The following IQCH variants were observed in gnomAD, a reference collection of about 807,000 sequenced individuals.
IQCH encodes IQ motif containing H, also known as IQ domain-containing protein H.
A neutral mutation model predicts 117.0 loss-of-function variants in IQCH; 98 were observed. The observed-to-expected ratio is 0.84, with a 90% confidence interval of 0.71 to 0.99. The LOEUF (loss-of-function observed/expected upper bound fraction) is 0.99. Ranked by LOEUF, IQCH falls within the 50% of genes least tolerant of loss-of-function variation. The pLI is 0.00. For synonymous variants in IQCH, 412 were observed against 448.2 expected (o/e 0.92, Z 1.02); for missense variants, 1,102 against 1,243.8 (o/e 0.89, Z 1.72).
intron 8 of IQCH, among the ~76,000 whole-genome samples, chr15:67,371,791 A>G (rs536363610): frequency 1.5e-4 from 23 of 152,342 alleles, no homozygotes; most frequent in Admixed American, 6.5e-4. Context: ...ACTAAATCAC[A>G]GAGATTGGGG....
At chr15:67,332,082 T>G (rs1179726446) in intron 4 of IQCH, among the ~76,000 whole-genome samples, 1 of 152,132 alleles carries the variant, frequency 6.6e-6, no homozygotes, top group Non-Finnish European at 1.5e-5. Flanking sequence ...TAAGGATATT[T>G]GGTGTCCCTA....
rs2083348306 is a variant in IQCH at position 67,481,896 on chromosome 15, C to T, written c.2799+6078C>T. Among the ~76,000 whole-genome samples the T allele has an allele frequency of 6.6e-6, 1 of 152,124 alleles. No homozygotes were observed. The highest frequency in any genetic ancestry group is 6.5e-5 in the Admixed American group (1 of 15,272). On this transcript the variant is annotated intron_variant, in intron 18 of 20. Coordinates refer to ENST00000335894, the MANE Select transcript of IQCH (RefSeq NM_001031715.3). This position sits in a 1 kb window ranked among gnomAD's most constrained non-coding sequence, Gnocchi z 4.1. ...TTAAGACTTAAAACAACCCTTGGGCCCTCAACTATCTACAGGCAGGAAGTG... is the reference window on the plus strand; with the variant it reads ...TTAAGACTTAAAACAACCCTTGGGCTCTCAACTATCTACAGGCAGGAAGTG...
chr15:67,461,770 G>T (rs1027618363), intron 16 of IQCH, among the ~76,000 whole-genome samples: 1 of 152,124 alleles, frequency 6.6e-6, no homozygotes, highest in African/African-American at 2.4e-5. Context: ...TCTGTAAAAT[G>T]GAGACAGAGT....
intron 4 of IQCH, among the ~76,000 whole-genome samples, chr15:67,300,099 T>C (rs537197306): frequency 6.6e-6 from 1 of 152,286 alleles, no homozygotes; most frequent in African/African-American, 2.4e-5. Context: ...AACTCTTTGG[T>C]GACTCTGAAA....
At chr15:67,333,582 A>G (rs918233101) in intron 4 of IQCH, among the ~76,000 whole-genome samples, 1 of 152,108 alleles carries the variant, frequency 6.6e-6, no homozygotes, top group Non-Finnish European at 1.5e-5. Context: ...TTGTATTTCT[A>G]CACTGCTTGA....
At chr15:67,294,290 C>T (rs1966840806) in intron 4 of IQCH, among the ~76,000 whole-genome samples, 1 of 152,132 alleles carries the variant, frequency 6.6e-6, no homozygotes, top group Non-Finnish European at 1.5e-5. Context: ...AGATTAGATG[C>T]CATGGTTGTG....
rs539855988 is a variant in IQCH at position 67,401,498 on chromosome 15, G to A, written c.2097+1193G>A. 3.3e-5 allele frequency among the ~76,000 whole-genome samples: 5 copies of A among 152,254 alleles called. No homozygotes were observed. The highest frequency in any genetic ancestry group is 6.5e-5 in the Admixed American group (1 of 15,294). The stretch of plus-strand genomic sequence containing the variant: ...CAGTGGGCTATGCAAAGTGATTTGC[G>A]TCTGCTTTGAGCATCCCGCTACGGA... On this transcript the variant is annotated intron_variant, in intron 14 of 20. Coordinates refer to ENST00000335894, the MANE Select transcript of IQCH (RefSeq NM_001031715.3). This position sits in a 1 kb window ranked among gnomAD's most constrained non-coding sequence, Gnocchi z 4.7.
chr15:67,325,256 G>T (rs1968353208), intron 4 of IQCH, among the ~76,000 whole-genome samples: 1 of 151,680 alleles, frequency 6.6e-6, no homozygotes, highest in South Asian at 2.1e-4. Flanking sequence ...TTTCCATTTA[G>T]TCCTCTTTTA....
At position 67,300,452 on chromosome 15, in the gene IQCH, G is replaced by T. The variant is rs544720365; in HGVS notation, c.387+20940G>T. Among the ~76,000 whole-genome samples, 13 of 152,260 alleles carry T rather than the reference G, an allele frequency of 8.5e-5. No homozygotes were observed. In the East Asian group the frequency reaches 2.5e-3, roughly 29 times the overall value. On this transcript the variant is annotated intron_variant, in intron 4 of 20. Transcript: ENST00000335894. ...CTCAAATCAGGACTTGACGTCTATT[G>T]TTCTTCATATTACCTAAGACAGTGG... is the stretch of plus-strand genomic sequence containing the variant.
chr15:67,311,924 G>A (rs1772090309), intron 4 of IQCH, among the ~76,000 whole-genome samples: 1 of 152,120 alleles, frequency 6.6e-6, no homozygotes. Context: ...AGAGAAGAGG[G>A]ATTTGGGGGA....
At chr15:67,271,529 T>C (rs1474679914) in intron 3 of IQCH, among the ~76,000 whole-genome samples, 3 of 152,324 alleles carry the variant, frequency 2.0e-5, no homozygotes, top group Admixed American at 2.0e-4. Context: ...AAATTAGCAG[T>C]GAAGCCATCA....
intron 16 of IQCH, among the ~76,000 whole-genome samples, chr15:67,428,863 AGAG>A (rs1465074601): frequency 4.8e-4 from 68 of 140,912 alleles, no homozygotes; most frequent in Middle Eastern, 3.7e-3. Flanking sequence ...AAAAAAAAAA[AGAG>A]AGAGAGAGAG....
Position 67,373,442 on chromosome 15 carries a change from CT to C in IQCH, c.1372+13del. 2 of 1,580,848 alleles carry C rather than the reference CT, an allele frequency of 1.3e-6. No individual in the cohort carries two copies. The highest frequency in any genetic ancestry group is 1.7e-6 in the Non-Finnish European group (2 of 1,150,028). On this transcript the variant is annotated intron_variant, in intron 10 of 20. Coordinates refer to ENST00000335894, the MANE Select transcript of IQCH (RefSeq NM_001031715.3). ...CCATATCCCATCATTAGGTATAACA[CT>C]TTTGCCTGCAAATCTATCAGCAACC...
At chr15:67,485,452 T>G (rs188297427) in intron 18 of IQCH, among the ~76,000 whole-genome samples, 3 of 152,282 alleles carry the variant, frequency 2.0e-5, no homozygotes, top group Admixed American at 2.0e-4. Context: ...CTAACTTTCC[T>G]GCAATTAGTG....
chr15:67,468,989 T>C (rs923170564), intron 17 of IQCH, among the ~76,000 whole-genome samples: 2 of 152,234 alleles, frequency 1.3e-5, no homozygotes, highest in African/African-American at 2.4e-5. Context: ...TCAATTTAAA[T>C]TGTGGCTGAA....
At chr15:67,441,200 A>C (rs112307932) in intron 16 of IQCH, among the ~76,000 whole-genome samples, 1 of 150,252 alleles carries the variant, frequency 6.7e-6, no homozygotes, top group Non-Finnish European at 1.5e-5. Context: ...GACCTCTGCA[A>C]GGAAAACTAC....
intron 4 of IQCH, among the ~76,000 whole-genome samples, chr15:67,283,349 A>T (rs535531607): frequency 6.8e-4 from 104 of 152,312 alleles, no homozygotes; most frequent in Middle Eastern, 3.4e-3. Flanking sequence ...TGTGTTGGTT[A>T]TGAATTTTTT....
Position 67,261,262 on chromosome 15 carries a change from A to T in IQCH, c.52-10A>T, listed in dbSNP as rs763501876. Reference sequence around the variant, plus strand: ...ATTATTTCAATATTTTTCATTTTTTATACCTATAGATCCATGAAGACCTTT... The same window carrying T: ...ATTATTTCAATATTTTTCATTTTTTTTACCTATAGATCCATGAAGACCTTT... On this transcript the variant is annotated splice_polypyrimidine_tract_variant and intron_variant, in intron 1 of 20. Coordinates refer to ENST00000335894, the MANE Select transcript of IQCH (RefSeq NM_001031715.3). 1.3e-6 allele frequency: 2 copies of T among 1,499,706 alleles called. No individual in the cohort carries two copies. Among genetic ancestry groups the T allele is most frequent in the Admixed American group, 2.4e-5 (1 of 41,316 alleles). 92.9% of individuals were successfully genotyped at this position (1,499,706 alleles called of 1,614,324 possible).
At chr15:67,280,386 T>G (rs1362517507) in intron 4 of IQCH, among the ~76,000 whole-genome samples, 1 of 152,206 alleles carries the variant, frequency 6.6e-6, no homozygotes, top group Non-Finnish European at 1.5e-5. Flanking sequence ...ATAAACTGAG[T>G]GGCTTAAACA....
Sources: allele counts gnomAD v4.1 joint callset (sites outside exome capture counted in the v4.1 genomes callset), GRCh38; gene constraint gnomAD v4.1.1; non-coding constraint Gnocchi (gnomAD v3.1); transcripts MANE v1.5; gene names NCBI Gene and HGNC (gene_info 2026-07-23, HGNC 2026-07-21).